The following RABGAP1 variants were observed in gnomAD, a reference collection of about 807,000 sequenced individuals.
RABGAP1 encodes RAB GTPase activating protein 1.
RABGAP1 carries 23 observed loss-of-function variants against 137.6 expected under a neutral mutation model. The observed-to-expected ratio is 0.17, with a 90% CI of 0.12 to 0.24. RABGAP1 has a LOEUF of 0.24. Among genes scored for constraint, RABGAP1 ranks in the 10% least tolerant of loss-of-function variants. The pLI is 1.00. For missense variants in RABGAP1, 906 were observed against 1,275.8 expected, an observed-to-expected ratio of 0.71 and a Z score of 4.42; for synonymous variants, 451 against 450.7, an observed-to-expected ratio of 1.00 and a Z score of -0.01.
chr9:123,022,132 G>A (rs1188743624), intron 13 of RABGAP1, among the ~76,000 whole-genome samples: 2 of 151,788 alleles, frequency 1.3e-5, no homozygotes, highest in Admixed American at 6.6e-5. Context: ...TATTTTTTTT[G>A]AAGTCCTTTG....
intron 1 of RABGAP1, among the ~76,000 whole-genome samples, chr9:122,943,512 A>G (rs1833740601): frequency 6.6e-6 from 1 of 152,182 alleles, no homozygotes; most frequent in Non-Finnish European, 1.5e-5. Context: ...AGTTTATAAG[A>G]GTTGTAGTAA....
intron 13 of RABGAP1, among the ~76,000 whole-genome samples, chr9:123,057,953 C>T (rs992619456): frequency 1.4e-4 from 21 of 151,022 alleles, no homozygotes; most frequent in Non-Finnish European, 2.7e-4. Flanking sequence ...CTGGGCAGGC[C>T]GAGGCAGGAG....
intron 1 of RABGAP1, among the ~76,000 whole-genome samples, 158 bp from the exon 2 acceptor site, chr9:122,956,853 A>C (rs558780137): frequency 6.6e-6 from 1 of 152,164 alleles, no homozygotes; most frequent in South Asian, 2.1e-4. Flanking sequence ...TATTATCTGG[A>C]ATAAAAAAAA....
intron 12 of RABGAP1, among the ~76,000 whole-genome samples, chr9:123,016,963 A>G (rs2031277240): frequency 6.6e-6 from 1 of 152,238 alleles, no homozygotes; most frequent in African/African-American, 2.4e-5. Flanking sequence ...GTACAGGAGA[A>G]AAAAGCAAAC....
Position 122,957,117 on chromosome 9 carries a change from C to A in RABGAP1, c.58C>A (p.Leu20Ile). ...TGTCTCTTCAGACTCAGTATCTACT[C>A]TTAATAGTGAAGATTTTGTCTTGGT... ...ISVSSDSVST[L>I]NSEDFVLVSR... is the part of the protein sequence containing the mutation. Residue 20 changes from leucine to isoleucine, a missense_variant, in exon 2 of 26, where the codon CTT (leucine) becomes ATT (isoleucine). This residue lies in a region of RABGAP1 where 331 missense variants were observed against 358.3 expected (regional missense o/e 0.92). Transcript: ENST00000373647. 1 of 1,573,722 alleles carries A rather than the reference C, an allele frequency of 6.4e-7. No individual in the cohort carries two copies. The highest frequency in any genetic ancestry group is 1.2e-5 in the South Asian group (1 of 85,460).
intron 12 of RABGAP1, among the ~76,000 whole-genome samples, chr9:123,015,923 G>A (rs2031191722): frequency 6.6e-6 from 1 of 152,084 alleles, no homozygotes; most frequent in Non-Finnish European, 1.5e-5. Flanking sequence ...AAGAGGTTAG[G>A]AACCACTGAG....
chr9:122,986,445 C>G (rs532567180), intron 4 of RABGAP1, 26 bp downstream of exon 4: 2 of 1,597,946 alleles, frequency 1.3e-6, no homozygotes, highest in Non-Finnish European at 1.7e-6. Context: ...TGAAATCTTT[C>G]GATATTTACA....
At chr9:123,077,732 C>G (rs796200147) in intron 19 of RABGAP1, among the ~76,000 whole-genome samples, 4 of 150,504 alleles carry the variant, frequency 2.7e-5, no homozygotes, top group African/African-American at 9.7e-5. Flanking sequence ...GGGTCTCACT[C>G]TTGTTACCCA....
At chr9:122,995,015 G>A (rs573866323) in intron 6 of RABGAP1, among the ~76,000 whole-genome samples, 42 of 152,232 alleles carry the variant, frequency 2.8e-4, no homozygotes, top group Middle Eastern at 3.4e-3. Context: ...TATCCTGGAG[G>A]TTGAGGCAGG....
chr9:123,094,745 G>A (rs2035129005), intron 21 of RABGAP1, among the ~76,000 whole-genome samples: 1 of 152,102 alleles, frequency 6.6e-6, no homozygotes, highest in South Asian at 2.1e-4. Context: ...GTTCCCTAGT[G>A]AAGTCACGCA....
intron 13 of RABGAP1, among the ~76,000 whole-genome samples, chr9:123,036,119 T>C (rs2032644989): frequency 6.6e-6 from 1 of 152,252 alleles, no homozygotes; most frequent in Non-Finnish European, 1.5e-5. Flanking sequence ...AAAGCATAAC[T>C]ACACTGCAAG....
At chr9:123,069,751 G>T (rs990456979) in intron 14 of RABGAP1, among the ~76,000 whole-genome samples, 1 of 152,056 alleles carries the variant, frequency 6.6e-6, no homozygotes, top group African/African-American at 2.4e-5. Context: ...AGGCATGGTG[G>T]TGCAAGCCTG....
intron 13 of RABGAP1, among the ~76,000 whole-genome samples, chr9:123,027,399 C>T (rs1227325421): frequency 1.3e-5 from 2 of 152,204 alleles, no homozygotes; most frequent in Non-Finnish European, 2.9e-5. Context: ...CAGGCGTGAG[C>T]CACCGTGCCC....
intron 13 of RABGAP1, among the ~76,000 whole-genome samples, chr9:123,046,633 G>A (rs959289850): frequency 6.6e-5 from 10 of 152,192 alleles, no homozygotes; most frequent in African/African-American, 2.2e-4. Context: ...AGCTCTTAGC[G>A]TAGTGCTTGG....
At chr9:122,942,733 T>C (rs1223943985) in intron 1 of RABGAP1, among the ~76,000 whole-genome samples, 1 of 151,140 alleles carries the variant, frequency 6.6e-6, no homozygotes, top group Non-Finnish European at 1.5e-5. Context: ...TAAATCTTCC[T>C]GTGTAGAGTT....
At chr9:123,059,227 T>C (rs1393433171) in intron 13 of RABGAP1, among the ~76,000 whole-genome samples, 1 of 152,164 alleles carries the variant, frequency 6.6e-6, no homozygotes, top group Non-Finnish European at 1.5e-5. Flanking sequence ...TGTTATGGTC[T>C]GAATGTTTAT....
intron 2 of RABGAP1, among the ~76,000 whole-genome samples, chr9:122,960,761 A>T (rs1834810225): frequency 6.6e-6 from 1 of 152,216 alleles, no homozygotes; most frequent in African/African-American, 2.4e-5. Flanking sequence ...AACTAAAGGA[A>T]ATCATGTAGA....
chr9:123,026,156 T>G (rs2031955601), intron 13 of RABGAP1, among the ~76,000 whole-genome samples: 1 of 152,012 alleles, frequency 6.6e-6, no homozygotes, highest in African/African-American at 2.4e-5. Flanking sequence ...AAATCCTGTC[T>G]CTACTAAAAA....
chr9:123,029,718 A>T, intron 13 of RABGAP1: 1 of 651,276 alleles, frequency 1.5e-6, no homozygotes, highest in Non-Finnish European at 2.9e-6. Context: ...CTGACTTTCC[A>T]GTGTCTGTCT....
Sources: gnomAD v4.1 joint callset for allele counts (sites outside exome capture counted in the v4.1 genomes callset) on GRCh38, gnomAD v4.1.1 for gene constraint, gnomAD v4.1.1 regional missense constraint, MANE v1.5 for transcripts, NCBI Gene and HGNC (gene_info 2026-07-23, HGNC 2026-07-21) for gene names.